Variants in DMD observed in about 807,000 individuals in gnomAD.
The protein encoded by DMD is mutant dystrophin.
A neutral mutation model predicts 330.1 loss-of-function variants in DMD; 63 were observed. That is an observed-to-expected ratio of 0.19 (90% confidence interval 0.16 to 0.24). DMD has a LOEUF of 0.24. Ranked by LOEUF, DMD falls within the 10% of genes least tolerant of loss-of-function variation. The probability of loss-of-function intolerance (pLI) is 1.00; values close to 1 mark genes in which losing one functional copy is unlikely to be tolerated. For missense variants in DMD, 3,344 were observed against 2,684.1 expected, an observed-to-expected ratio of 1.25 and a Z score of -5.43; for synonymous variants, 1,223 against 959.8, an observed-to-expected ratio of 1.27 and a Z score of -5.07.
intron 52 of DMD, among the ~76,000 whole-genome samples, chrX:31,685,138 CA>C (rs1279845761): frequency 1.8e-5 from 2 of 111,610 alleles, no homozygotes; most frequent in Non-Finnish European, 3.8e-5. Context: ...CCCATAGAAC[CA>C]AAACTTACCA....
At chrX:33,260,180 A>C (rs1460849913) in intron 1 of DMD, among the ~76,000 whole-genome samples, 1 of 111,443 alleles carries the variant, frequency 9.0e-6, no homozygotes, top group Non-Finnish European at 1.9e-5. Context: ...CATTCCCACC[A>C]GCAATGAAAG....
intron 67 of DMD, among the ~76,000 whole-genome samples, chrX:31,190,412 C>G (rs1030942947): frequency 9.1e-6 from 1 of 109,383 alleles, no homozygotes; most frequent in Non-Finnish European, 1.9e-5. Flanking sequence ...GCAGTCCTAA[C>G]AGAGGAATTT....
intron 44 of DMD, among the ~76,000 whole-genome samples, chrX:32,023,726 C>T (rs943040756): frequency 6.3e-5 from 7 of 111,460 alleles, no homozygotes; most frequent in East Asian, 2.8e-4. Flanking sequence ...AAGAATGTGG[C>T]GCGTATACAC....
chrX:31,571,293 GTA>G (rs1491032693), intron 55 of DMD, among the ~76,000 whole-genome samples: 3 of 106,410 alleles, frequency 2.8e-5, no homozygotes. Context: ...GTGTGTGTGT[GTA>G]TAGAAAACAG....
At chrX:32,275,252 G>A (rs918608550) in intron 43 of DMD, among the ~76,000 whole-genome samples, 1 of 112,088 alleles carries the variant, frequency 8.9e-6, no homozygotes, top group Non-Finnish European at 1.9e-5. Context: ...GGCTACGCTT[G>A]ATGGAGGGAG....
chrX:32,348,765 A>AT (rs1047098314), intron 37 of DMD, among the ~76,000 whole-genome samples: 3 of 111,709 alleles, frequency 2.7e-5, no homozygotes, highest in African/African-American at 6.5e-5. Context: ...ACAATTCATC[A>AT]TTTGGTGATA....
intron 44 of DMD, among the ~76,000 whole-genome samples, chrX:32,214,224 TAAAAAAAA>T (rs200083093): frequency 0.072 from 6,364 of 88,874 alleles, 175 homozygotes; most frequent in Non-Finnish European, 0.08. Flanking sequence ...CTGAAACACT[TAAAAAAAA>T]AAAAAAAAAA....
At chrX:32,810,795 G>A (rs2077313297) in intron 6 of DMD, among the ~76,000 whole-genome samples, 2 of 111,346 alleles carry the variant, frequency 1.8e-5, no homozygotes, top group South Asian at 7.5e-4. Flanking sequence ...CTGCTTTAGG[G>A]GAAGTACAAA....
At chrX:32,151,548 C>G (rs1207667071) in intron 44 of DMD, 1 of 111,496 alleles carries the variant, frequency 9.0e-6, no homozygotes, top group East Asian at 2.8e-4. Flanking sequence ...GGAAATGCCA[C>G]AATACCTCCT....
chrX:32,827,056 A>AC (rs1174768674), intron 4 of DMD, among the ~76,000 whole-genome samples: 700 of 59,624 alleles, frequency 0.012, 21 homozygotes, highest in African/African-American at 0.027. Context: ...CACACATCGC[A>AC]CCCCCCCCCC....
At chrX:33,185,687 CA>C (rs2050223829) in intron 1 of DMD, among the ~76,000 whole-genome samples, 1 of 111,605 alleles carries the variant, frequency 9.0e-6, no homozygotes, top group Non-Finnish European at 1.9e-5. Context: ...TGTCTCAAAA[CA>C]AAAGGCCCTT....
chrX:33,018,985 A>C (rs1395412336), intron 2 of DMD, among the ~76,000 whole-genome samples: 2 of 112,264 alleles, frequency 1.8e-5, no homozygotes, highest in Non-Finnish European at 3.8e-5. Context: ...CAAGTAAATA[A>C]AATGAACTTT....
chrX:31,892,465 A>G (rs761007057), intron 47 of DMD, among the ~76,000 whole-genome samples: 10 of 110,151 alleles, frequency 9.1e-5, no homozygotes, highest in Non-Finnish European at 1.5e-4. Flanking sequence ...AAGGCATAGT[A>G]CTGAAAAAAA....
At chrX:31,347,424 G>C (rs1251335942) in intron 61 of DMD, among the ~76,000 whole-genome samples, 1 of 111,182 alleles carries the variant, frequency 9.0e-6, no homozygotes, top group African/African-American at 3.3e-5. Context: ...CCAGCCACTA[G>C]TATCTATCAT....
intron 52 of DMD, among the ~76,000 whole-genome samples, chrX:31,728,928 G>A (rs906423042): frequency 9.0e-6 from 1 of 111,086 alleles, no homozygotes; most frequent in Non-Finnish European, 1.9e-5. Flanking sequence ...CATTTCTGAG[G>A]AGAATCTCTG....
chrX:32,507,553 G>A (rs1355017204), intron 18 of DMD, among the ~76,000 whole-genome samples: 1 of 111,118 alleles, frequency 9.0e-6, no homozygotes, highest in Non-Finnish European at 1.9e-5. Context: ...TAACCACATT[G>A]TTCCAGTTAT....
At chrX:31,660,705 T>A (rs1388931745) in intron 53 of DMD, among the ~76,000 whole-genome samples, 1 of 111,436 alleles carries the variant, frequency 9.0e-6, no homozygotes, top group Non-Finnish European at 1.9e-5. Flanking sequence ...AAAACAAAAT[T>A]TTTAGTAAAT....
intron 44 of DMD, among the ~76,000 whole-genome samples, chrX:31,997,613 G>A (rs939107115): frequency 9.1e-6 from 1 of 110,064 alleles, no homozygotes; most frequent in East Asian, 2.9e-4. Context: ...ATTTGTGCAC[G>A]TATTTTTAAA....
At chrX:32,228,034 G>A (rs2147950816) in intron 43 of DMD, among the ~76,000 whole-genome samples, 1 of 111,375 alleles carries the variant, frequency 9.0e-6, no homozygotes, top group Admixed American at 9.6e-5. Context: ...AACTTGGCCT[G>A]AGTGATTTTT....
Sources: gnomAD v4.1 joint callset for allele counts (sites outside exome capture counted in the v4.1 genomes callset) on GRCh38, gnomAD v4.1.1 for gene constraint, MANE v1.5 for transcripts, NCBI Gene and HGNC (gene_info 2026-07-23, HGNC 2026-07-21) for gene names.